Variants in POU3F3 observed in about 807,000 individuals in gnomAD.
POU3F3 encodes POU class 3 homeobox 3.
In POU3F3, 1 loss-of-function variant was observed where a neutral mutation model predicts 8.6. The ratio of observed to expected loss-of-function variants is 0.12; its 90% CI spans 0.04 to 0.55. The LOEUF (loss-of-function observed/expected upper bound fraction) is 0.55. POU3F3 is among the 20% of genes least tolerant of loss of function. The pLI, the probability that POU3F3 is intolerant of heterozygous loss-of-function variation, is 0.91. For synonymous variants in POU3F3, 418 were observed against 327.4 expected, an observed-to-expected ratio of 1.28 and a Z score of -2.99; for missense variants, 577 against 690.7, an observed-to-expected ratio of 0.84 and a Z score of 1.84.
chr2:104,869,381 CTCTT>C, the POU3F3 span, among the ~76,000 whole-genome samples: 1 of 151,972 alleles, frequency 6.6e-6, no homozygotes, highest in Non-Finnish European at 1.5e-5. Context: ...GTCTGTTCTT[CTCTT>C]TATGTCCATT....
chr2:104,882,277 C>T, the POU3F3 span, among the ~76,000 whole-genome samples: 1 of 137,422 alleles, frequency 7.3e-6, no homozygotes, highest in African/African-American at 2.8e-5. Context: ...GATGGGGTCT[C>T]ACTCCGTCGC....
the POU3F3 span, among the ~76,000 whole-genome samples, chr2:104,892,240 A>G: frequency 6.6e-6 from 1 of 152,150 alleles, no homozygotes; most frequent in Admixed American, 6.5e-5. Flanking sequence ...ATGGCCCATC[A>G]CAGAGAGAGC....
rs1444101380 is a variant in POU3F3 at position 104,855,240 on chromosome 2, C to G, written c.-271C>G. The stretch of plus-strand genomic sequence containing the variant: ...TGCTGCTGCTGCTGGTGACCAAGGC[C>G]GGCCGGCGACCCCCGCGCCCTGCCG... On this transcript the variant is annotated 5_prime_UTR_variant, in exon 1 of 1. Coordinates refer to ENST00000361360, the MANE Select transcript of POU3F3 (RefSeq NM_006236.3). 2.7e-5 allele frequency among the ~76,000 whole-genome samples: 4 copies of G among 150,584 alleles called. No homozygotes were observed. The highest frequency in any genetic ancestry group is 5.9e-5 in the Non-Finnish European group (4 of 67,646).
At chr2:104,897,065 A>G in the POU3F3 span, among the ~76,000 whole-genome samples, 1,289 of 152,300 alleles carry the variant, frequency 8.5e-3, 13 homozygotes, top group Non-Finnish European at 0.014. Flanking sequence ...AAATCCCAGC[A>G]CACCCGTGTC....
the POU3F3 span, among the ~76,000 whole-genome samples, chr2:104,864,525 G>A: frequency 6.6e-6 from 1 of 152,192 alleles, no homozygotes. Context: ...CATGCTCAGA[G>A]GCATTAGAGT....
the POU3F3 span, among the ~76,000 whole-genome samples, chr2:104,884,104 T>C: frequency 6.6e-6 from 1 of 152,188 alleles, no homozygotes; most frequent in South Asian, 2.1e-4. Context: ...ATGACAACAA[T>C]CTGGCATGAT....
At position 104,855,840 on chromosome 2, in the gene POU3F3, T is replaced by C. The variant is rs867028851; in HGVS notation, c.330T>C (p.Ala110=). The change falls in exon 1 of 1, where the codon GCT becomes GCC. Residue 110 remains alanine (A), a synonymous_variant. Coordinates refer to ENST00000361360, the MANE Select transcript of POU3F3 (RefSeq NM_006236.3). ...ALPHAAAAAA[A]AAAAAVEASS... ...CCCACGCCGCCGCCGCCGCCGCCGC[T>C]GCCGCCGCCGCCGCCGTGGAGGCGA... The C allele has an allele frequency of 7.8e-4, 839 of 1,074,986 alleles. 1 individual carries two copies. Among genetic ancestry groups the C allele is most frequent in the East Asian group, 1.6e-3 (20 of 12,900 alleles). 66.6% of individuals were successfully genotyped at this position (1,074,986 alleles called of 1,614,324 possible).
At chr2:104,908,004 AG>A in the POU3F3 span, among the ~76,000 whole-genome samples, 1 of 152,304 alleles carries the variant, frequency 6.6e-6, no homozygotes, top group Non-Finnish European at 1.5e-5. Flanking sequence ...TATTATAGAA[AG>A]GTTTCTAAAA....
At chr2:104,899,594 T>A in the POU3F3 span, among the ~76,000 whole-genome samples, 1 of 152,132 alleles carries the variant, frequency 6.6e-6, no homozygotes, top group Non-Finnish European at 1.5e-5. Context: ...GATTTCTTGG[T>A]AATGAATATA....
the POU3F3 span, among the ~76,000 whole-genome samples, chr2:104,907,129 C>T: frequency 3.3e-5 from 5 of 152,316 alleles, no homozygotes; most frequent in South Asian, 1.0e-3. Flanking sequence ...CCCCATCTCT[C>T]TAACATGCCA....
In POU3F3 at chr2:104,855,339, G is replaced by GAGGCGGCGA. The variant is rs1256286214; in HGVS notation, c.-163_-155dup. Among the ~76,000 whole-genome samples the GAGGCGGCGA allele has an allele frequency of 7.0e-6, 1 of 142,844 alleles. No homozygotes were observed. The highest frequency in any genetic ancestry group is 1.6e-5 in the Non-Finnish European group (1 of 64,472). 93.7% of individuals were successfully genotyped at this position (142,844 alleles called of 152,430 possible). Reference sequence around the variant, plus strand: ...GGGGGCGGAGGCGGCGGCGGAGGAGGAGGCGGCGAAGGCGGCGGGGCCGGC... The same window carrying GAGGCGGCGA: ...GGGGGCGGAGGCGGCGGCGGAGGAGGAGGCGGCGAAGGCGGCGAAGGCGGCGGGGCCGGC... On this transcript the variant is annotated 5_prime_UTR_variant, in exon 1 of 1. Transcript: ENST00000361360.
At chr2:104,907,988 T>C in the POU3F3 span, among the ~76,000 whole-genome samples, 53 of 152,300 alleles carry the variant, frequency 3.5e-4, no homozygotes, top group Admixed American at 3.3e-3. Context: ...TGTATGCACC[T>C]AGACCTATTA....
chr2:104,918,781 C>T, the POU3F3 span, among the ~76,000 whole-genome samples: 1 of 152,058 alleles, frequency 6.6e-6, no homozygotes, highest in Non-Finnish European at 1.5e-5. Context: ...TTAGGGTAGC[C>T]CTACTAGGCT....
the POU3F3 span, among the ~76,000 whole-genome samples, chr2:104,869,182 A>C: frequency 6.6e-6 from 1 of 152,224 alleles, no homozygotes; most frequent in Admixed American, 6.5e-5. Context: ...TGATGAAATT[A>C]GGTGGATTCC....
Position 104,856,440 on chromosome 2 carries a change from G to T in POU3F3, c.930G>T (p.Pro310=). 6.2e-7 allele frequency: 1 copy of T among 1,610,864 alleles called. No individual in the cohort carries two copies. The highest frequency in any genetic ancestry group is 2.2e-5 in the East Asian group (1 of 44,728). Residue 310 remains proline, a synonymous_variant, in exon 1 of 1, where the codon CCG becomes CCT. Coordinates refer to ENST00000361360, the MANE Select transcript of POU3F3 (RefSeq NM_006236.3). ...GAGPGLNSHD[P]HSDEDTPTSD... ...GGCCTGGACTCAACAGCCACGACCC[G>T]CACTCGGACGAGGACACGCCGACGT...
At chr2:104,853,356 A>G (rs951159342), upstream of POU3F3, 1 of 152,334 alleles carries the variant, frequency 6.6e-6, no homozygotes, top group Non-Finnish European at 1.5e-5. Flanking sequence ...CAGGTTTCCC[A>G]GATGATGGCA....
chr2:104,857,087 TGCCGCCGCCGCCGCCGCC>T lies in POU3F3; in HGVS notation c.*86_*103del, dbSNP rs895839135. On this transcript the variant is annotated 3_prime_UTR_variant, in exon 1 of 1. Coordinates refer to ENST00000361360, the MANE Select transcript of POU3F3 (RefSeq NM_006236.3). ...CCGCCGTCAGCACCGCCGCCGCCCCTGCCGCCGCCGCCGCCGCCGCCGCCGCCGCTGCCGCCGCCGCGC... is the reference window on the plus strand; with the variant it reads ...CCGCCGTCAGCACCGCCGCCGCCCCTGCCGCCGCCGCTGCCGCCGCCGCGC... 5 of 1,002,218 alleles carry T rather than the reference TGCCGCCGCCGCCGCCGCC, an allele frequency of 5.0e-6. No homozygotes were observed. In the East Asian group the frequency reaches 2.5e-4, roughly 49 times the overall value. The allele number at this position is 1,002,218 out of a possible 1,614,324, so 62.1% of individuals were successfully genotyped here. A position where few individuals can be genotyped will look rare whatever the true frequency, so the allele number is the denominator to read the frequency against.
At chr2:104,891,079 C>T in the POU3F3 span, among the ~76,000 whole-genome samples, 1 of 152,170 alleles carries the variant, frequency 6.6e-6, no homozygotes, top group African/African-American at 2.4e-5. Flanking sequence ...AGAAAGTAGG[C>T]TCTACCCCCT....
At chr2:104,921,328 C>A in the POU3F3 span, among the ~76,000 whole-genome samples, 1 of 152,138 alleles carries the variant, frequency 6.6e-6, no homozygotes, top group Non-Finnish European at 1.5e-5. Flanking sequence ...GAGTAGGAAG[C>A]CCCAGGAATC....
Sources: gnomAD v4.1 joint callset for allele counts (sites outside exome capture counted in the v4.1 genomes callset) on GRCh38, gnomAD v4.1.1 for gene constraint, MANE v1.5 for transcripts, NCBI Gene and HGNC (gene_info 2026-07-23, HGNC 2026-07-21) for gene names.